Variants in TRIP12 observed in about 807,000 individuals in gnomAD.
TRIP12 encodes thyroid hormone receptor interactor 12, also known as E3 ubiquitin-protein ligase TRIP12.
In TRIP12, 25 loss-of-function variants were observed where a neutral mutation model predicts 244.2. The observed-to-expected ratio is 0.10, with a 90% CI of 0.07 to 0.14. The LOEUF is 0.14. Ranked by LOEUF, TRIP12 falls within the 10% of genes least tolerant of loss-of-function variation. The pLI is 1.00. For missense variants in TRIP12, 1,677 were observed against 2,486.4 expected, an observed-to-expected ratio of 0.67 and a Z score of 6.92; for synonymous variants, 905 against 873.1, an observed-to-expected ratio of 1.04 and a Z score of -0.64.
At chr2:229,776,896 T>C (rs4972913) in intron 37 of TRIP12, among the ~76,000 whole-genome samples, 139,867 of 152,256 alleles carry the variant, frequency 0.92, 64,390 homozygotes, top group East Asian at 1. Flanking sequence ...TTGGCACTCA[T>C]GGTGACCTTT....
At chr2:229,916,030 T>C (rs545177731) in intron 1 of TRIP12, among the ~76,000 whole-genome samples, 2 of 152,300 alleles carry the variant, frequency 1.3e-5, no homozygotes, top group South Asian at 4.1e-4. Flanking sequence ...AACAGAGGTA[T>C]GTTCGAGTTA....
At chr2:229,807,311 C>T (rs1408736332) in intron 17 of TRIP12, 1 of 215,058 alleles carries the variant, frequency 4.6e-6, no homozygotes, top group East Asian at 1.2e-4. Flanking sequence ...TCATTTGTTT[C>T]CACGTTTCTG....
Position 229,880,113 on chromosome 2 carries a change from T to C in TRIP12, c.-34A>G. On this transcript the variant is annotated 5_prime_UTR_variant, in exon 2 of 42. Transcript: ENST00000675903. ...CTCTCTTGAAGGGACATACCCTTTC[T>C]AGACACTACCATTCACTAAAAGAAA... The C allele has an allele frequency of 1.9e-6, 3 of 1,566,308 alleles. No individual in the cohort carries two copies. Among genetic ancestry groups the C allele is most frequent in the Non-Finnish European group, 2.6e-6 (3 of 1,144,672 alleles).
At position 229,774,146 on chromosome 2, in the gene TRIP12, C is replaced by G; in HGVS notation, c.5645G>C (p.Gly1882Ala). 6.2e-7 allele frequency: 1 copy of G among 1,614,138 alleles called. No homozygotes were observed. Among genetic ancestry groups the G allele is most frequent in the Non-Finnish European group, 8.5e-7 (1 of 1,180,008 alleles). Residue 1882 changes from glycine (G) to alanine (A), a missense_variant, in exon 38 of 42, where the codon GGA becomes GCA. Around this residue, in one of 11 missense-constraint regions of TRIP12, gnomAD observed 171 missense variants for 388.4 expected, o/e 0.44. Coordinates refer to ENST00000675903, the MANE Select transcript of TRIP12 (RefSeq NM_001348323.3). ...GATAGTGACTGGTATATCCTTCCCT[C>G]CTTTCTTCAGTTCGATATTGGGAAA... is the stretch of plus-strand genomic sequence containing the variant. ...PGFPNIELKK[G>A]GKDIPVTIHN...
At chr2:229,819,494 G>A (rs1351037025) in intron 8 of TRIP12, among the ~76,000 whole-genome samples, 5 of 152,240 alleles carry the variant, frequency 3.3e-5, no homozygotes, top group Admixed American at 1.3e-4. Flanking sequence ...GCAGTGAGCC[G>A]AGATCATGTC....
chr2:229,889,368 C>T (rs938100837), intron 1 of TRIP12, among the ~76,000 whole-genome samples: 2 of 152,128 alleles, frequency 1.3e-5, no homozygotes, highest in Non-Finnish European at 2.9e-5. Flanking sequence ...AAATACAGAG[C>T]CACTCATTCC....
chr2:229,851,378 C>T (rs376942641), intron 4 of TRIP12, among the ~76,000 whole-genome samples: 9 of 152,084 alleles, frequency 5.9e-5, no homozygotes, highest in African/African-American at 1.9e-4. Context: ...CTGTATCTAG[C>T]TAATCTGGTG....
chr2:229,916,310 A>C (rs1326453373), intron 1 of TRIP12, among the ~76,000 whole-genome samples: 2 of 152,256 alleles, frequency 1.3e-5, no homozygotes, highest in East Asian at 3.8e-4. Flanking sequence ...TTCAAATCAG[A>C]TAATCACTTG....
At chr2:229,850,369 T>A (rs2058429257) in intron 4 of TRIP12, among the ~76,000 whole-genome samples, 1 of 152,212 alleles carries the variant, frequency 6.6e-6, no homozygotes. Flanking sequence ...TTGGAACTTC[T>A]AAACTTTTAA....
At chr2:229,888,060 T>C (rs552111915) in intron 1 of TRIP12, among the ~76,000 whole-genome samples, 1 of 152,248 alleles carries the variant, frequency 6.6e-6, no homozygotes, top group Non-Finnish European at 1.5e-5. Flanking sequence ...CAGCTTCCTG[T>C]CCTTATTAAC....
intron 2 of TRIP12, among the ~76,000 whole-genome samples, chr2:229,863,046 G>A (rs1273628172): frequency 1.3e-5 from 2 of 152,016 alleles, no homozygotes; most frequent in Non-Finnish European, 1.5e-5. Context: ...TGGCCAAGAT[G>A]GTGAAACCCC....
intron 1 of TRIP12, among the ~76,000 whole-genome samples, chr2:229,916,149 G>A (rs763490648): frequency 4.6e-5 from 7 of 152,178 alleles, no homozygotes; most frequent in Non-Finnish European, 7.3e-5. Context: ...AGAATGTCTA[G>A]CATATAAATG....
chr2:229,788,701 G>A (rs2040686146), intron 32 of TRIP12, 97 bp downstream of exon 32: 3 of 1,448,698 alleles, frequency 2.1e-6, no homozygotes, highest in Non-Finnish European at 2.8e-6. Context: ...ATAAACATTT[G>A]ACTAGGTCCA....
At chr2:229,829,567 A>G (rs980410522) in intron 7 of TRIP12, among the ~76,000 whole-genome samples, 1 of 152,236 alleles carries the variant, frequency 6.6e-6, no homozygotes, top group African/African-American at 2.4e-5. Flanking sequence ...TTTCTGTATG[A>G]CATTATTTCC....
intron 34 of TRIP12, among the ~76,000 whole-genome samples, chr2:229,781,586 C>G (rs572619443): frequency 6.6e-6 from 1 of 152,200 alleles, no homozygotes; most frequent in African/African-American, 2.4e-5. Flanking sequence ...TACTGGGTCA[C>G]TGGGTCATTT....
At position 229,870,409 on chromosome 2, in the gene TRIP12, C is replaced by T. The variant is rs1447178054; in HGVS notation, c.98+9573G>A. ...ATGACATGGTAGCAAGAAGCAGTAACGTAAGGACAGATGAACAGAGAGGAG... is the reference window on the plus strand; with the variant it reads ...ATGACATGGTAGCAAGAAGCAGTAATGTAAGGACAGATGAACAGAGAGGAG... On this transcript the variant is annotated intron_variant, in intron 2 of 41. Coordinates refer to ENST00000675903, the MANE Select transcript of TRIP12 (RefSeq NM_001348323.3). 2.6e-5 allele frequency among the ~76,000 whole-genome samples: 4 copies of T among 152,158 alleles called. No homozygotes were observed. In the East Asian group the frequency reaches 5.8e-4, roughly 22 times the overall value.
At chr2:229,775,648 T>C (rs567529598) in intron 37 of TRIP12, among the ~76,000 whole-genome samples, 4 of 151,046 alleles carry the variant, frequency 2.6e-5, no homozygotes, top group South Asian at 4.2e-4. Context: ...AGATTTTATA[T>C]ATTAAGTCGA....
intron 38 of TRIP12, among the ~76,000 whole-genome samples, chr2:229,772,596 T>C (rs2034792595): frequency 6.6e-6 from 1 of 152,164 alleles, no homozygotes; most frequent in African/African-American, 2.4e-5. Context: ...CCCGAGTAGC[T>C]GGGACTACAG....
At chr2:229,855,544 A>G (rs375974249) in intron 4 of TRIP12, among the ~76,000 whole-genome samples, 1 of 149,628 alleles carries the variant, frequency 6.7e-6, no homozygotes, top group South Asian at 2.1e-4. Context: ...CTAGAGTCTT[A>G]GTATCTCCAA....
Sources: allele counts gnomAD v4.1 joint callset (sites outside exome capture counted in the v4.1 genomes callset), GRCh38; gene constraint gnomAD v4.1.1; regional missense constraint gnomAD v4.1.1; transcripts MANE v1.5; gene names NCBI Gene and HGNC (gene_info 2026-07-23, HGNC 2026-07-21).